Variants in SPIN1 observed in about 807,000 individuals in gnomAD.
The protein encoded by SPIN1 is spindlin 1, also known as spindlin-1.
In SPIN1, 3 loss-of-function variants were observed where a neutral mutation model predicts 26.0. That is an observed-to-expected ratio of 0.12 (90% CI 0.05 to 0.30). The LOEUF is 0.30. Among genes scored for constraint, SPIN1 ranks in the 10% least tolerant of loss-of-function variants. The probability of loss-of-function intolerance (pLI) is 1.00; values close to 1 mark genes in which losing one functional copy is unlikely to be tolerated. For missense variants in SPIN1, 126 were observed against 333.4 expected, an observed-to-expected ratio of 0.38 and a Z score of 4.84; for synonymous variants, 101 against 116.5, an observed-to-expected ratio of 0.87 and a Z score of 0.86.
chr9:88,428,465 G>T (rs1047575959), intron 2 of SPIN1, among the ~76,000 whole-genome samples: 1 of 152,170 alleles, frequency 6.6e-6, no homozygotes, highest in East Asian at 1.9e-4. Flanking sequence ...GTTCACTTAG[G>T]ATAATGGCCT....
chr9:88,429,882 A>G (rs1167517113), intron 2 of SPIN1, among the ~76,000 whole-genome samples: 2 of 152,148 alleles, frequency 1.3e-5, no homozygotes, highest in Non-Finnish European at 1.5e-5. Context: ...TACAGAAGAC[A>G]CTTACCACTC....
chr9:88,438,940 G>A (rs1828062927), intron 2 of SPIN1, among the ~76,000 whole-genome samples: 1 of 152,102 alleles, frequency 6.6e-6, no homozygotes, highest in Non-Finnish European at 1.5e-5. Context: ...AGACTTTTAA[G>A]ACAAAAACTT....
intron 2 of SPIN1, among the ~76,000 whole-genome samples, chr9:88,437,349 G>A (rs1333982833): frequency 6.6e-6 from 1 of 151,708 alleles, no homozygotes; most frequent in Non-Finnish European, 1.5e-5. Context: ...AATACAAAAA[G>A]TAGTGGAGCG....
intron 1 of SPIN1, among the ~76,000 whole-genome samples, chr9:88,422,372 A>G (rs1190108423): frequency 1.3e-5 from 2 of 152,206 alleles, no homozygotes; most frequent in African/African-American, 2.4e-5. Flanking sequence ...ACTTAGTAGA[A>G]TAACTTAAGG....
chr9:88,461,532 A>C (rs1158830087), intron 3 of SPIN1, among the ~76,000 whole-genome samples: 1 of 152,216 alleles, frequency 6.6e-6, no homozygotes, highest in Non-Finnish European at 1.5e-5. Context: ...AGCTGTTACA[A>C]CCTACAATAA....
At chr9:88,472,568 C>A (rs1346350085) in intron 5 of SPIN1, among the ~76,000 whole-genome samples, 2 of 152,100 alleles carry the variant, frequency 1.3e-5, no homozygotes, top group Non-Finnish European at 2.9e-5. Flanking sequence ...TCTTGGCTCA[C>A]TACAACCTCC....
chr9:88,457,829 G>A lies in SPIN1; in HGVS notation c.102-4667G>A, dbSNP rs976979816. On this transcript the variant is annotated intron_variant, in intron 3 of 5. Transcript: ENST00000375859. ...GACAGAATATACATGAGAAAAAAATGTGAAAATACTACGCAAAAAGCAACC... is the reference window on the plus strand; with the variant it reads ...GACAGAATATACATGAGAAAAAAATATGAAAATACTACGCAAAAAGCAACC... 5.1e-6 allele frequency: 5 copies of A among 981,514 alleles called. No individual in the cohort carries two copies. In the African/African-American group the frequency reaches 8.7e-5, roughly 17 times the overall value. 60.8% of individuals were successfully genotyped at this position (981,514 alleles called of 1,614,324 possible). A position where few individuals can be genotyped will look rare whatever the true frequency, so the allele number is the denominator to read the frequency against.
rs1342174010 is a variant in SPIN1 at position 88,430,463 on chromosome 9, G to A, written c.52+3872G>A. On this transcript the variant is annotated intron_variant, in intron 2 of 5. Coordinates refer to ENST00000375859, the MANE Select transcript of SPIN1 (RefSeq NM_006717.3). Reference sequence around the variant, plus strand: ...CACAGAGGCTCACCAAGTTTCCAGGGAGGGAGCATAGACACTATACTTGAT... The same window carrying A: ...CACAGAGGCTCACCAAGTTTCCAGGAAGGGAGCATAGACACTATACTTGAT... Among the ~76,000 whole-genome samples, 3 of 152,304 alleles carry A rather than the reference G, an allele frequency of 2.0e-5. No homozygotes were observed. The East Asian group carries it at 5.8e-4, about 29-fold the overall frequency.
At chr9:88,397,396 C>T (rs974552922) in intron 1 of SPIN1, among the ~76,000 whole-genome samples, 9 of 151,968 alleles carry the variant, frequency 5.9e-5, no homozygotes, top group African/African-American at 2.2e-4. Flanking sequence ...TGTGGGGCCT[C>T]CTTCATTCTC....
At chr9:88,403,700 AAGATC>A (rs1300113144) in intron 1 of SPIN1, among the ~76,000 whole-genome samples, 1 of 152,180 alleles carries the variant, frequency 6.6e-6, no homozygotes, top group Admixed American at 6.5e-5. Flanking sequence ...GTGACAGAGT[AAGATC>A]CTGTCTTCAA....
intron 5 of SPIN1, among the ~76,000 whole-genome samples, chr9:88,473,727 A>AG (rs1031560559): frequency 6.6e-6 from 1 of 152,016 alleles, no homozygotes; most frequent in Non-Finnish European, 1.5e-5. Flanking sequence ...GATTTCTGAA[A>AG]GGGTCCTGGT....
At chr9:88,410,962 A>G (rs1386560008) in intron 1 of SPIN1, 17 of 1,261,308 alleles carry the variant, frequency 1.3e-5, no homozygotes, top group Non-Finnish European at 1.8e-5. Flanking sequence ...TCACAGTATG[A>G]TATTTCTGAA....
intron 1 of SPIN1, among the ~76,000 whole-genome samples, chr9:88,411,958 T>A (rs1292588100): frequency 6.6e-6 from 1 of 150,716 alleles, no homozygotes; most frequent in African/African-American, 2.4e-5. Flanking sequence ...GATCACGAGG[T>A]CAGGAGATCG....
At chr9:88,421,289 ATG>A (rs140200838) in intron 1 of SPIN1, among the ~76,000 whole-genome samples, 12 of 151,350 alleles carry the variant, frequency 7.9e-5, no homozygotes, top group South Asian at 2.1e-4. Flanking sequence ...GTTGTCTTAA[ATG>A]TGTGTGTGTG....
chr9:88,416,622 TTTTC>T (rs1391841449), intron 1 of SPIN1: 9 of 152,228 alleles, frequency 5.9e-5, no homozygotes, highest in Non-Finnish European at 1.2e-4. Context: ...GAAATTTTCT[TTTTC>T]TTTCTTTATT....
chr9:88,407,293 A>G (rs1000718070), intron 1 of SPIN1, among the ~76,000 whole-genome samples: 2 of 151,860 alleles, frequency 1.3e-5, no homozygotes, highest in African/African-American at 4.8e-5. Flanking sequence ...GGTGTGCGCC[A>G]CCATGCTTGG....
intron 2 of SPIN1, among the ~76,000 whole-genome samples, chr9:88,447,729 G>T (rs79722630): frequency 0.01 from 1,552 of 152,260 alleles, 11 homozygotes; most frequent in Non-Finnish European, 0.016. Context: ...ACATGTACAT[G>T]TAGTCCACAA....
intron 2 of SPIN1, among the ~76,000 whole-genome samples, chr9:88,440,721 C>A (rs557749244): frequency 5.3e-5 from 8 of 151,426 alleles, no homozygotes; most frequent in Non-Finnish European, 1.0e-4. Flanking sequence ...TGGGACTACA[C>A]GATGCACGCC....
intron 2 of SPIN1, 85 bp from the exon 3 acceptor site, chr9:88,448,856 C>T: frequency 8.1e-7 from 1 of 1,239,212 alleles, no homozygotes; most frequent in Non-Finnish European, 1.2e-6. Flanking sequence ...TTCTGTATAG[C>T]AGTTTTTCAG....
Sources: allele counts gnomAD v4.1 joint callset (sites outside exome capture counted in the v4.1 genomes callset), GRCh38; gene constraint gnomAD v4.1.1; transcripts MANE v1.5; gene names NCBI Gene and HGNC (gene_info 2026-07-23, HGNC 2026-07-21).